Variants in ECPAS observed in about 807,000 individuals in gnomAD.
The protein encoded by ECPAS is proteasome adapter and scaffold protein ECM29.
ECPAS carries 70 observed loss-of-function variants against 255.1 expected under a neutral mutation model. That is an observed-to-expected ratio of 0.27 (90% CI 0.23 to 0.33). The LOEUF (loss-of-function observed/expected upper bound fraction) is 0.33, where lower values mean the gene tolerates loss of function less well. ECPAS is among the 10% of genes least tolerant of loss of function. The pLI, the probability that ECPAS is intolerant of heterozygous loss-of-function variation, is 1.00. For missense variants in ECPAS, 1,817 were observed against 2,206.4 expected, an observed-to-expected ratio of 0.82 and a Z score of 3.54; for synonymous variants, 784 against 775.0, an observed-to-expected ratio of 1.01 and a Z score of -0.19.
At chr9:111,414,792 A>T (rs774311919) in intron 18 of ECPAS, 141 bp from the exon 19 acceptor site, 93 of 688,640 alleles carry the variant, frequency 1.4e-4, no homozygotes, top group Non-Finnish European at 2.0e-4. Flanking sequence ...GAAGGCAGAA[A>T]ATATGCCATA....
At chr9:111,379,135 T>C (rs1044022704) in intron 35 of ECPAS, among the ~76,000 whole-genome samples, 4 of 152,216 alleles carry the variant, frequency 2.6e-5, no homozygotes, top group African/African-American at 9.6e-5. Flanking sequence ...ACAGCCGCTA[T>C]TCCCCCCTGC....
intron 2 of ECPAS, among the ~76,000 whole-genome samples, chr9:111,458,838 G>C (rs2098269976): frequency 6.6e-6 from 1 of 152,146 alleles, no homozygotes; most frequent in South Asian, 2.1e-4. Context: ...TTTGCATCTG[G>C]AACCCTCTCA....
At chr9:111,364,954 C>T (rs2098118464) in intron 48 of ECPAS, among the ~76,000 whole-genome samples, 1 of 152,080 alleles carries the variant, frequency 6.6e-6, no homozygotes, top group Admixed American at 6.5e-5. Context: ...TGTCCTAAGA[C>T]AAAGAAAGGC....
chr9:111,468,423 G>A (rs2132059454), intron 2 of ECPAS, among the ~76,000 whole-genome samples: 1 of 152,240 alleles, frequency 6.6e-6, no homozygotes, highest in Non-Finnish European at 1.5e-5. Flanking sequence ...AAAGTAGGTG[G>A]AGAAGATACT....
At chr9:111,392,435 C>T (rs1246819700) in intron 28 of ECPAS, among the ~76,000 whole-genome samples, 1 of 152,230 alleles carries the variant, frequency 6.6e-6, no homozygotes, top group Non-Finnish European at 1.5e-5. Flanking sequence ...TCCCCTCACA[C>T]TCTTCACGGG....
At chr9:111,435,780 C>T (rs940294053) in intron 7 of ECPAS, among the ~76,000 whole-genome samples, 4 of 150,310 alleles carry the variant, frequency 2.7e-5, no homozygotes, top group East Asian at 1.9e-4. Context: ...CCTGGGTTCA[C>T]GCCATTCTCC....
rs374665196 is a variant in ECPAS, at chr9:111,469,681, C to T, written c.22+3216G>A. ...AAAATTAGCTAGGCATGGTGGCGGG[C>T]GCCTGTAGTCCTAGCTACTCGGGAG... On this transcript the variant is annotated intron_variant, in intron 2 of 49. Coordinates refer to ENST00000684092, the MANE Select transcript of ECPAS (RefSeq NM_001364929.1). Among the ~76,000 whole-genome samples the T allele has an allele frequency of 4.0e-5, 6 of 151,838 alleles. No homozygotes were observed. The East Asian group carries it at 9.7e-4, about 25-fold the overall frequency.
At chr9:111,463,564 G>C (rs2132032312) in intron 2 of ECPAS, among the ~76,000 whole-genome samples, 1 of 152,232 alleles carries the variant, frequency 6.6e-6, no homozygotes, top group South Asian at 2.1e-4. Context: ...CAGTAGGAGT[G>C]GCTCAATCAG....
At chr9:111,430,707 C>G (rs941757310) in intron 8 of ECPAS, 79 bp from the exon 9 acceptor site, 3 of 813,670 alleles carry the variant, frequency 3.7e-6, no homozygotes, top group Non-Finnish European at 6.0e-6. Flanking sequence ...ATAGCCCCAA[C>G]ATTTCTTAAC....
chr9:111,409,278 G>T (rs1003626145), intron 23 of ECPAS, among the ~76,000 whole-genome samples: 2 of 152,148 alleles, frequency 1.3e-5, no homozygotes, highest in African/African-American at 2.4e-5. Context: ...TAGGAATTAG[G>T]CCAGGCTCGG....
At chr9:111,398,079 G>A (rs1439455780) in intron 24 of ECPAS, among the ~76,000 whole-genome samples, 1 of 152,200 alleles carries the variant, frequency 6.6e-6, no homozygotes, top group East Asian at 1.9e-4. Flanking sequence ...GGAATGAACA[G>A]ACAGCATGTG....
chr9:111,427,887 T>C (rs185293454), intron 10 of ECPAS, among the ~76,000 whole-genome samples, 155 bp downstream of exon 10: 7 of 152,344 alleles, frequency 4.6e-5, no homozygotes, highest in East Asian at 1.9e-4. Flanking sequence ...TTTAAAATCA[T>C]ATTGCAGCAA....
chr9:111,448,082 C>CT (rs1405455415), intron 3 of ECPAS, among the ~76,000 whole-genome samples: 1 of 151,966 alleles, frequency 6.6e-6, no homozygotes, highest in Admixed American at 6.6e-5. Flanking sequence ...GATGAGTATC[C>CT]TAAATACTAA....
chr9:111,440,111 C>T (rs565732634), intron 6 of ECPAS, among the ~76,000 whole-genome samples: 1 of 152,152 alleles, frequency 6.6e-6, no homozygotes, highest in African/African-American at 2.4e-5. Context: ...AATCGTCCCA[C>T]CTTGGCCTAA....
chr9:111,469,729 A>G (rs894574134), intron 2 of ECPAS, among the ~76,000 whole-genome samples: 2 of 151,960 alleles, frequency 1.3e-5, no homozygotes, highest in African/African-American at 4.8e-5. Context: ...GAATGGCGTG[A>G]ACCCGGGAGG....
chr9:111,382,668 C>T (rs2131568132), intron 35 of ECPAS, among the ~76,000 whole-genome samples: 1 of 152,126 alleles, frequency 6.6e-6, no homozygotes, highest in African/African-American at 2.4e-5. Context: ...TGAAATACCA[C>T]TGGCAGTATT....
intron 38 of ECPAS, 116 bp downstream of exon 38, chr9:111,374,997 T>G: frequency 1.4e-6 from 1 of 718,242 alleles, no homozygotes; most frequent in Non-Finnish European, 2.5e-6. Context: ...ATAAAATGGT[T>G]AGTGTATAAT....
Position 111,371,816 on chromosome 9 carries a change from G to A in ECPAS, c.4542C>T (p.Gly1514=). 2.5e-6 allele frequency: 4 copies of A among 1,610,580 alleles called. No homozygotes were observed. The highest frequency in any genetic ancestry group is 3.4e-6 in the Non-Finnish European group (4 of 1,177,426). The part of the protein sequence containing the change: ...WQENVPGSFG[G]IRLYLQELIT... ...TTAACTCCTGCAGGTATAATCGAAT[G>A]CCACCAAAGGATCCTAGGAAAGCAA... Residue 1514 remains glycine, a synonymous_variant, in exon 43 of 50, where the codon GGC becomes GGT. Coordinates refer to ENST00000684092, the MANE Select transcript of ECPAS (RefSeq NM_001364929.1).
chr9:111,414,659 C>A lies in ECPAS; in HGVS notation c.1765-8G>T, dbSNP rs756924841. Reference sequence around the variant, plus strand: ...GCGCAAGTACAGAACGATCTACAAACAGAACGGAGAGGAAGACTGCATAAG... The same window carrying A: ...GCGCAAGTACAGAACGATCTACAAAAAGAACGGAGAGGAAGACTGCATAAG... On this transcript the variant is annotated splice_region_variant and splice_polypyrimidine_tract_variant and intron_variant, in intron 18 of 49. Coordinates refer to ENST00000684092, the MANE Select transcript of ECPAS (RefSeq NM_001364929.1). 1.2e-6 allele frequency: 2 copies of A among 1,605,124 alleles called. No homozygotes were observed. Among genetic ancestry groups the A allele is most frequent in the Non-Finnish European group, 1.7e-6 (2 of 1,174,606 alleles).
Sources: allele counts gnomAD v4.1 joint callset (sites outside exome capture counted in the v4.1 genomes callset), GRCh38; gene constraint gnomAD v4.1.1; transcripts MANE v1.5; gene names NCBI Gene and HGNC (gene_info 2026-07-23, HGNC 2026-07-21).